The following SLC15A2 variants were observed in gnomAD, a reference collection of about 807,000 sequenced individuals.
The protein encoded by SLC15A2 is solute carrier family 15 member 2, also known as kidney H(+)/peptide cotransporter.
Under a neutral mutation model 95.5 loss-of-function variants are expected in SLC15A2, and 77 were observed. That is an observed-to-expected ratio of 0.81 (90% CI 0.67 to 0.97). SLC15A2 has a LOEUF of 0.97. Among genes scored for constraint, SLC15A2 ranks in the 50% least tolerant of loss-of-function variants. The pLI is 0.00. For synonymous variants in SLC15A2, 306 were observed against 306.9 expected (o/e 1.00, Z 0.03); for missense variants, 893 against 874.4 (o/e 1.02, Z -0.27).
intron 4 of SLC15A2, 144 bp downstream of exon 4, chr3:121,911,810 G>T (rs1174649439): frequency 3.1e-6 from 2 of 638,316 alleles, no homozygotes; most frequent in Admixed American, 2.6e-5. Context: ...CTTATGACCA[G>T]TTGAACTCTT....
At chr3:121,927,973 G>A in intron 14 of SLC15A2, 134 bp downstream of exon 14, 1 of 672,934 alleles carries the variant, frequency 1.5e-6, no homozygotes, top group Non-Finnish European at 2.5e-6. Flanking sequence ...ATAAGTATTT[G>A]TGATAAATAA....
chr3:121,929,184 T>G, intron 16 of SLC15A2, 38 bp downstream of exon 16: 1 of 1,605,670 alleles, frequency 6.2e-7, no homozygotes, highest in Non-Finnish European at 8.5e-7. Flanking sequence ...AGTTGTCATC[T>G]CAAAGTAATA....
At chr3:121,938,359 C>A (rs999962254) in intron 19 of SLC15A2, among the ~76,000 whole-genome samples, 3 of 152,250 alleles carry the variant, frequency 2.0e-5, no homozygotes, top group African/African-American at 7.2e-5. Flanking sequence ...CGCCCCTCCC[C>A]CAGCCTCGCT....
chr3:121,920,423 T>G (rs1576681609), intron 7 of SLC15A2, among the ~76,000 whole-genome samples: 1 of 152,186 alleles, frequency 6.6e-6, no homozygotes, highest in Admixed American at 6.5e-5. Context: ...AGCGCCTAAG[T>G]AGCTGGGACT....
At chr3:121,915,029 G>A in intron 5 of SLC15A2, 198 bp from the exon 6 acceptor site, 1 of 1,359,994 alleles carries the variant, frequency 7.4e-7, no homozygotes, top group Non-Finnish European at 9.5e-7. Flanking sequence ...AAGCTGCTCT[G>A]GAGTTTGAAA....
rs953180764 is a variant in SLC15A2 at position 121,916,280 on chromosome 3, A to G, written c.697+587A>G. On this transcript the variant is annotated intron_variant, in intron 7 of 21. Coordinates refer to ENST00000489711, the MANE Select transcript of SLC15A2 (RefSeq NM_021082.4). The stretch of plus-strand genomic sequence containing the variant: ...TCAAGTGGCATTCTCTTTATCCCTG[A>G]GAACCCAGTCCTGGAAGAGAAGAGG... Among the ~76,000 whole-genome samples the G allele has an allele frequency of 5.3e-5, 8 of 152,342 alleles. No individual in the cohort carries two copies. In the South Asian group the frequency reaches 1.7e-3, roughly 32 times the overall value.
At chr3:121,927,865 A>G (rs767669652) in intron 14 of SLC15A2, 26 bp downstream of exon 14, 100 of 1,527,136 alleles carry the variant, frequency 6.5e-5, no homozygotes, top group Non-Finnish European at 8.8e-5. Context: ...CTTAAGCTCT[A>G]TGAGGGCAGG....
At chr3:121,906,383 T>A (rs889653298) in intron 3 of SLC15A2, among the ~76,000 whole-genome samples, 18 of 152,338 alleles carry the variant, frequency 1.2e-4, no homozygotes, top group Middle Eastern at 3.4e-3. Flanking sequence ...TGTTATGTGT[T>A]AATTTGATCC....
intron 3 of SLC15A2, among the ~76,000 whole-genome samples, chr3:121,907,827 G>T (rs1306935220): frequency 6.6e-6 from 1 of 152,230 alleles, no homozygotes; most frequent in Non-Finnish European, 1.5e-5. Context: ...GGCTACACAG[G>T]CTTCAGGGAC....
In SLC15A2 at chr3:121,897,448, T is replaced by C. The variant is rs757844105; in HGVS notation, c.254T>C (p.Ile85Thr). ...TGGAATGAAGATACCTCCACATCTA[T>C]ATACCATGCCTTCAGCAGCCTCTGT... The part of the protein sequence containing the change: ...LHWNEDTSTS[I>T]YHAFSSLCYF... Residue 85 changes from isoleucine (I) to threonine (T), a missense_variant, in exon 3 of 22, where the codon ATA (isoleucine) becomes ACA (threonine). Ile to Thr is a moderately conservative substitution (Grantham distance 89). Coordinates refer to ENST00000489711, the MANE Select transcript of SLC15A2 (RefSeq NM_021082.4). 6.2e-6 allele frequency: 10 copies of C among 1,614,140 alleles called. No individual in the cohort carries two copies. The South Asian group carries it at 8.8e-5, about 14-fold the overall frequency.
chr3:121,914,714 A>G (rs933466246), intron 5 of SLC15A2, among the ~76,000 whole-genome samples: 1 of 152,142 alleles, frequency 6.6e-6, no homozygotes, highest in African/African-American at 2.4e-5. Flanking sequence ...TTCTGCTCTA[A>G]AGAAACTCAC....
At chr3:121,901,389 C>T (rs1709517478) in intron 3 of SLC15A2, among the ~76,000 whole-genome samples, 2 of 152,184 alleles carry the variant, frequency 1.3e-5, no homozygotes, top group South Asian at 4.1e-4. Context: ...TCTTCGAATT[C>T]ATAAATTTAT....
chr3:121,910,420 C>A (rs146025780), intron 3 of SLC15A2, among the ~76,000 whole-genome samples: 40 of 152,238 alleles, frequency 2.6e-4, no homozygotes, highest in African/African-American at 7.0e-4. Context: ...TGGTCTCGAT[C>A]TCCTGACCTC....
chr3:121,901,313 G>T (rs546882075), intron 3 of SLC15A2, among the ~76,000 whole-genome samples: 1 of 152,112 alleles, frequency 6.6e-6, no homozygotes, highest in Non-Finnish European at 1.5e-5. Context: ...CACTGTGCCC[G>T]GCTGTGATTT....
intron 3 of SLC15A2, among the ~76,000 whole-genome samples, chr3:121,898,362 C>A (rs1709461098): frequency 6.6e-6 from 1 of 151,976 alleles, no homozygotes; most frequent in African/African-American, 2.4e-5. Context: ...ATGAGTTAGA[C>A]TATTGGTTCA....
chr3:121,924,848 A>G, intron 12 of SLC15A2, 97 bp from the exon 13 acceptor site: 1 of 849,766 alleles, frequency 1.2e-6, no homozygotes, highest in Non-Finnish European at 2.0e-6. Flanking sequence ...AAGTGTGTGT[A>G]GATGTGAGAC....
chr3:121,896,360 A>T, intron 1 of SLC15A2, 46 bp from the exon 2 acceptor site: 2 of 1,443,744 alleles, frequency 1.4e-6, no homozygotes, highest in Non-Finnish European at 2.0e-6. Context: ...TTGTTGAAAC[A>T]GGGAAAAACA....
intron 1 of SLC15A2, among the ~76,000 whole-genome samples, chr3:121,895,041 A>T (rs1164092912): frequency 6.6e-6 from 1 of 152,198 alleles, no homozygotes; most frequent in African/African-American, 2.4e-5. Context: ...ACTGTGGGAG[A>T]TAGGACAGAG....
intron 19 of SLC15A2, 200 bp from the exon 20 acceptor site, chr3:121,939,149 T>G (rs1372524962): frequency 2.5e-6 from 1 of 393,638 alleles, no homozygotes; most frequent in African/African-American, 2.1e-5. Flanking sequence ...TAATGATATC[T>G]GATTGAATCT....
Sources: allele counts gnomAD v4.1 joint callset (sites outside exome capture counted in the v4.1 genomes callset), GRCh38; gene constraint gnomAD v4.1.1; transcripts MANE v1.5; gene names NCBI Gene and HGNC (gene_info 2026-07-23, HGNC 2026-07-21).